Variants in SHANK2 observed in about 807,000 individuals in gnomAD.
SHANK2 encodes SH3 and multiple ankyrin repeat domains protein 2.
SHANK2 carries 43 observed loss-of-function variants against 133.7 expected under a neutral mutation model. The ratio of observed to expected loss-of-function variants is 0.32; its 90% CI spans 0.25 to 0.41. The LOEUF (loss-of-function observed/expected upper bound fraction) is 0.41. Among genes scored for constraint, SHANK2 ranks in the 10% least tolerant of loss-of-function variants. SHANK2 has a pLI of 1.00. For synonymous variants in SHANK2, 1,017 were observed against 952.8 expected (o/e 1.07, Z -1.24); for missense variants, 1,994 against 2,235.8 (o/e 0.89, Z 2.18).
At chr11:71,222,100 T>C (rs953890156) in intron 2 of SHANK2, among the ~76,000 whole-genome samples, 3 of 151,820 alleles carry the variant, frequency 2.0e-5, no homozygotes, top group Non-Finnish European at 2.9e-5. Flanking sequence ...TCCCAGATCA[T>C]CGACATCCCC....
chr11:71,210,210 G>GTGTGTATATATATATA (rs1491563939), intron 2 of SHANK2, among the ~76,000 whole-genome samples: 1 of 54,074 alleles, frequency 1.8e-5, no homozygotes, highest in African/African-American at 8.5e-5. Flanking sequence ...AAATCCACAG[G>GTGTGTATATATATATA]TATATATATA....
intron 6 of SHANK2, among the ~76,000 whole-genome samples, chr11:71,103,420 C>G (rs1340919082): frequency 6.6e-6 from 1 of 152,198 alleles, no homozygotes; most frequent in African/African-American, 2.4e-5. Context: ...GTGCTAAAAC[C>G]AGGGCAGTCC....
chr11:71,153,027 G>A (rs1952826972), intron 2 of SHANK2, among the ~76,000 whole-genome samples: 1 of 152,178 alleles, frequency 6.6e-6, no homozygotes, highest in African/African-American at 2.4e-5. Flanking sequence ...AAAACTCTCT[G>A]CTGTTCATCT....
Position 70,500,522 on chromosome 11 carries a change from A to AG in SHANK2, c.2308+47dup, listed in dbSNP as rs782463455. 9 of 1,587,342 alleles carry AG rather than the reference A, an allele frequency of 5.7e-6. No homozygotes were observed. Among genetic ancestry groups the AG allele is most frequent in the South Asian group, 4.6e-5 (4 of 86,804 alleles). On this transcript the variant is annotated intron_variant, in intron 21 of 25. Transcript: ENST00000601538. The surrounding 1 kb of genome is among the most constrained non-coding windows in gnomAD (Gnocchi z 4.5). ...ATCACAAAGGATGTTTCTGTTCCAC[A>AG]GGGGGGTGATGGGCAGGGGGCTGAG... is the stretch of plus-strand genomic sequence containing the variant.
chr11:70,886,114 C>T (rs1246334523), intron 11 of SHANK2, among the ~76,000 whole-genome samples: 2 of 152,088 alleles, frequency 1.3e-5, no homozygotes, highest in African/African-American at 4.8e-5. Flanking sequence ...AGACCGGAAA[C>T]CACACGCAGA....
At chr11:70,913,732 C>A (rs573377241) in intron 10 of SHANK2, among the ~76,000 whole-genome samples, 2 of 152,250 alleles carry the variant, frequency 1.3e-5, no homozygotes, top group South Asian at 2.1e-4. Flanking sequence ...AGACTTCATG[C>A]GGAAACATAC....
Position 70,830,548 on chromosome 11 carries a change from C to T in SHANK2, c.1175-9866G>A, listed in dbSNP as rs1371460985. Among the ~76,000 whole-genome samples the T allele has an allele frequency of 1.3e-5, 2 of 152,218 alleles. No homozygotes were observed. Among genetic ancestry groups the T allele is most frequent in the East Asian group, 1.9e-4 (1 of 5,194 alleles). On this transcript the variant is annotated intron_variant, in intron 11 of 25. Coordinates refer to ENST00000601538, the MANE Select transcript of SHANK2 (RefSeq NM_012309.5). The surrounding 1 kb of genome is among the most constrained non-coding windows in gnomAD (Gnocchi z 4.4). ...TGGGGAAGCAGAGGCGGGTGCACAGCCTCCCGCAGAACTCCGGGAATTCGC... is the reference window on the plus strand; with the variant it reads ...TGGGGAAGCAGAGGCGGGTGCACAGTCTCCCGCAGAACTCCGGGAATTCGC...
At chr11:70,875,320 C>T (rs1443784393) in intron 11 of SHANK2, among the ~76,000 whole-genome samples, 2 of 151,798 alleles carry the variant, frequency 1.3e-5, no homozygotes, top group Non-Finnish European at 2.9e-5. Context: ...GATGATAAAG[C>T]ATTAATATTG....
In SHANK2 at chr11:70,784,343, GTTTTTTTTTTT is replaced by G. The variant is rs71049942; in HGVS notation, c.1777+14089_1777+14099del. On this transcript the variant is annotated intron_variant, in intron 14 of 25. Transcript: ENST00000601538. ...AGGGCGTGCGCCACCACACCGGCTA[GTTTTTTTTTTT>G]TTTTTTTTTTTTTTTTTTTTTAAGT... is the stretch of plus-strand genomic sequence containing the variant. 4.1e-3 allele frequency among the ~76,000 whole-genome samples: 176 copies of G among 42,878 alleles called. 3 individuals carry two copies. Among genetic ancestry groups the G allele is most frequent in the Non-Finnish European group, 5.2e-3 (122 of 23,366 alleles). The allele number at this position is 42,878 out of a possible 152,430, so 28.1% of individuals were successfully genotyped here.
chr11:70,559,110 C>T (rs1000748792), intron 17 of SHANK2, among the ~76,000 whole-genome samples: 4 of 150,664 alleles, frequency 2.7e-5, no homozygotes, highest in African/African-American at 7.3e-5. Flanking sequence ...CCTCTGCCTC[C>T]AGGGTTCAAG....
intron 10 of SHANK2, among the ~76,000 whole-genome samples, chr11:70,934,246 C>A (rs1356093792): frequency 5.9e-3 from 675 of 113,792 alleles, no homozygotes; most frequent in Non-Finnish European, 6.0e-3. Flanking sequence ...ACAACACCAC[C>A]AAAAAAAAAA....
intron 11 of SHANK2, among the ~76,000 whole-genome samples, chr11:70,866,998 T>C (rs1194590464): frequency 6.6e-6 from 1 of 151,614 alleles, no homozygotes; most frequent in Non-Finnish European, 1.5e-5. Context: ...GGCCTGGGGC[T>C]GACATTCCAT....
chr11:70,651,525 A>C (rs2134213877), intron 17 of SHANK2, among the ~76,000 whole-genome samples: 1 of 152,322 alleles, frequency 6.6e-6, no homozygotes, highest in Non-Finnish European at 1.5e-5. Flanking sequence ...CAGTGCATTA[A>C]GCCTCAGAGA....
In SHANK2 at chr11:70,726,420, G is replaced by C. The variant is rs566359718; in HGVS notation, c.1778-27657C>G. 2.0e-5 allele frequency among the ~76,000 whole-genome samples: 3 copies of C among 150,580 alleles called. No individual in the cohort carries two copies. In the East Asian group the frequency reaches 5.9e-4, roughly 30 times the overall value. On this transcript the variant is annotated intron_variant, in intron 14 of 25. Transcript: ENST00000601538. ...AGCTCACATGCCAGGCTCTGGTCAGGAGGCTAGAGATGTGGGGTCTTTGCC... is the reference window on the plus strand; with the variant it reads ...AGCTCACATGCCAGGCTCTGGTCAGCAGGCTAGAGATGTGGGGTCTTTGCC...
In SHANK2 at chr11:71,107,113, T is replaced by TA. The variant is rs557106853; in HGVS notation, c.592+2827_592+2828insT. On this transcript the variant is annotated intron_variant, in intron 6 of 25. Coordinates refer to ENST00000601538, the MANE Select transcript of SHANK2 (RefSeq NM_012309.5). ...CTGGGTAACAGGGGGAGACCCTGTC[T>TA]CAAAAAAAAAGAAAGGGGAGTGGAG... 7.2e-3 allele frequency among the ~76,000 whole-genome samples: 1,097 copies of TA among 151,482 alleles called. 8 individuals are homozygous for TA. Among genetic ancestry groups the TA allele is most frequent in the African/African-American group, 0.025 (1,043 of 41,294 alleles).
intron 11 of SHANK2, among the ~76,000 whole-genome samples, chr11:70,855,315 A>C (rs1335280991): frequency 6.6e-6 from 1 of 152,244 alleles, no homozygotes; most frequent in African/African-American, 2.4e-5. Context: ...GGTTTCTGGA[A>C]GCTTCCCATA....
chr11:71,158,254 T>TA (rs1212278065), intron 2 of SHANK2, among the ~76,000 whole-genome samples: 8 of 151,678 alleles, frequency 5.3e-5, no homozygotes, highest in East Asian at 1.9e-4. Context: ...TAAAACTAGT[T>TA]AAAAAAAAGT....
chr11:70,492,710 G>C (rs566440579), intron 21 of SHANK2, among the ~76,000 whole-genome samples: 1 of 152,028 alleles, frequency 6.6e-6, no homozygotes, highest in East Asian at 1.9e-4. Flanking sequence ...TCCACAGCTC[G>C]GCCACCTTCT....
chr11:70,793,853 A>C (rs1555048542), intron 14 of SHANK2, among the ~76,000 whole-genome samples: 2 of 152,188 alleles, frequency 1.3e-5, no homozygotes, highest in Non-Finnish European at 2.9e-5. Flanking sequence ...CCTTAAAAAG[A>C]CTCACACAAA....
Sources: gnomAD v4.1 joint callset for allele counts (sites outside exome capture counted in the v4.1 genomes callset) on GRCh38, gnomAD v4.1.1 for gene constraint, Gnocchi (gnomAD v3.1) non-coding constraint, MANE v1.5 for transcripts, NCBI Gene and HGNC (gene_info 2026-07-23, HGNC 2026-07-21) for gene names.